Variants in TMEM135 observed in about 807,000 individuals in gnomAD.
TMEM135 encodes the protein transmembrane protein 135.
A neutral mutation model predicts 60.3 loss-of-function variants in TMEM135; 30 were observed. That is an observed-to-expected ratio of 0.50 (90% CI 0.37 to 0.68). The LOEUF is 0.68. TMEM135 is among the 30% of genes least tolerant of loss of function. The probability of loss-of-function intolerance (pLI) is 0.00; values close to 1 mark genes in which losing one functional copy is unlikely to be tolerated. For synonymous variants in TMEM135, 190 were observed against 186.7 expected (o/e 1.02, Z -0.14); for missense variants, 468 against 548.8 (o/e 0.85, Z 1.47).
At chr11:87,269,479 A>T in intron 6 of TMEM135, among the ~76,000 whole-genome samples, 1 of 151,742 alleles carries the variant, frequency 6.6e-6, no homozygotes, top group Non-Finnish European at 1.5e-5. Context: ...ATATCTCCTA[A>T]TGCTATCCCT....
chr11:87,318,059 C>A, intron 12 of TMEM135, 78 bp from the exon 13 acceptor site: 2 of 1,073,822 alleles, frequency 1.9e-6, no homozygotes, highest in Non-Finnish European at 2.9e-6. Flanking sequence ...AGGTTGTAGG[C>A]AGGGAGCACA....
intron 3 of TMEM135, among the ~76,000 whole-genome samples, chr11:87,081,848 A>C (rs55790509): frequency 0.14 from 21,253 of 152,198 alleles, 1,578 homozygotes; most frequent in Non-Finnish European, 0.16. Context: ...TAACGACTTA[A>C]TAAGAAATTT....
intron 1 of TMEM135, among the ~76,000 whole-genome samples, chr11:87,063,961 G>A (rs965605219): frequency 5.9e-5 from 9 of 152,084 alleles, no homozygotes; most frequent in Non-Finnish European, 1.3e-4. Context: ...TAAAATACCC[G>A]GGAATGGAAT....
intron 5 of TMEM135, among the ~76,000 whole-genome samples, chr11:87,217,179 A>T (rs1940519996): frequency 1.3e-5 from 2 of 152,226 alleles, no homozygotes; most frequent in Admixed American, 1.3e-4. Flanking sequence ...CTATAAATGC[A>T]TGTGTGATCC....
chr11:87,245,979 G>T (rs1490442877), intron 6 of TMEM135, among the ~76,000 whole-genome samples: 1 of 127,820 alleles, frequency 7.8e-6, no homozygotes, highest in South Asian at 2.7e-4. Flanking sequence ...TGATTTTGCA[G>T]CGGCTGGTAC....
At chr11:87,231,702 AT>A (rs1284703039) in intron 5 of TMEM135, among the ~76,000 whole-genome samples, 1 of 152,176 alleles carries the variant, frequency 6.6e-6, no homozygotes, top group African/African-American at 2.4e-5. Context: ...ACTTATAAAT[AT>A]GTTAAATTAG....
intron 5 of TMEM135, among the ~76,000 whole-genome samples, chr11:87,222,530 G>A (rs1002197996): frequency 3.3e-5 from 5 of 150,056 alleles, no homozygotes; most frequent in Non-Finnish European, 7.4e-5. Context: ...TGGGCCGAGC[G>A]TGGTGGCCCA....
At chr11:87,176,421 T>C (rs1939369765) in intron 5 of TMEM135, among the ~76,000 whole-genome samples, 1 of 152,138 alleles carries the variant, frequency 6.6e-6, no homozygotes, top group Non-Finnish European at 1.5e-5. Context: ...AATGAATCCC[T>C]TTTTAAAAAA....
chr11:87,135,638 T>A (rs1011988848), intron 4 of TMEM135, among the ~76,000 whole-genome samples: 1 of 152,058 alleles, frequency 6.6e-6, no homozygotes, highest in Non-Finnish European at 1.5e-5. Flanking sequence ...TCTTGATAAC[T>A]GTAGGTATAT....
rs1942897370 is a variant in TMEM135 at position 87,325,398 on chromosome 11, T to C, written c.*4065T>C. ...TGTGGTGAATAAGAATGTGTGCTAT[T>C]TTACACACAGAAGAAAATGATTGAC... On this transcript the variant is annotated 3_prime_UTR_variant, in exon 15 of 15. Coordinates refer to ENST00000305494, the MANE Select transcript of TMEM135 (RefSeq NM_022918.4). 2.2e-6 allele frequency: 1 copy of C among 453,954 alleles called. No homozygotes were observed. The highest frequency in any genetic ancestry group is 1.6e-5 in the South Asian group (1 of 64,476). The allele number at this position is 453,954 out of a possible 1,614,324, so 28.1% of individuals were successfully genotyped here.
chr11:87,099,927 C>T (rs925431461), intron 4 of TMEM135, among the ~76,000 whole-genome samples: 3 of 151,998 alleles, frequency 2.0e-5, no homozygotes, highest in African/African-American at 4.8e-5. Flanking sequence ...GTTATCTGCC[C>T]TCCTCGGCCT....
In TMEM135 at chr11:87,219,365, T is replaced by C. The variant is rs201507479; in HGVS notation, c.463-17273T>C. On this transcript the variant is annotated intron_variant, in intron 5 of 14. Coordinates refer to ENST00000305494, the MANE Select transcript of TMEM135 (RefSeq NM_022918.4). ...GTCTAAGATCAAGGTGCTGTCAGGGTTGGTTTCTGGTGAGACCTCTTTTTT... is the reference window on the plus strand; with the variant it reads ...GTCTAAGATCAAGGTGCTGTCAGGGCTGGTTTCTGGTGAGACCTCTTTTTT... Among the ~76,000 whole-genome samples, 19 of 152,296 alleles carry C rather than the reference T, an allele frequency of 1.2e-4. No individual in the cohort carries two copies. The East Asian group carries it at 3.3e-3, about 26-fold the overall frequency.
chr11:87,314,907 C>T (rs1428450661), intron 12 of TMEM135, among the ~76,000 whole-genome samples: 1 of 151,764 alleles, frequency 6.6e-6, no homozygotes, highest in African/African-American at 2.4e-5. Context: ...ATAAAGACTC[C>T]TTAAAGAATA....
chr11:87,171,338 G>GT (rs199500975), intron 5 of TMEM135, among the ~76,000 whole-genome samples: 108 of 115,822 alleles, frequency 9.3e-4, no homozygotes, highest in South Asian at 1.9e-3. Context: ...ACAGTGTAGT[G>GT]TTTTTTTTTT....
chr11:87,066,607 A>G (rs2135135150), intron 1 of TMEM135, among the ~76,000 whole-genome samples: 1 of 151,740 alleles, frequency 6.6e-6, no homozygotes, highest in East Asian at 1.9e-4. Context: ...CCAAAAAAAA[A>G]AAAAAAAAAA....
Position 87,199,574 on chromosome 11 carries a change from C to A in TMEM135, c.463-37064C>A, listed in dbSNP as rs567863429. 2.6e-5 allele frequency among the ~76,000 whole-genome samples: 4 copies of A among 152,258 alleles called. No individual in the cohort carries two copies. In the East Asian group the frequency reaches 7.7e-4, roughly 29 times the overall value. On this transcript the variant is annotated intron_variant, in intron 5 of 14. Transcript: ENST00000305494. Reference sequence around the variant, plus strand: ...GGATGAGGTAGATACATATAGATTTCTAGTTGAGGCATTTGAGGAAACTAG... The same window carrying A: ...GGATGAGGTAGATACATATAGATTTATAGTTGAGGCATTTGAGGAAACTAG...
intron 6 of TMEM135, among the ~76,000 whole-genome samples, chr11:87,272,138 C>T (rs552925687): frequency 2.7e-5 from 4 of 149,438 alleles, no homozygotes; most frequent in African/African-American, 7.4e-5. Flanking sequence ...ACTGCAACCT[C>T]CCCCTCCCTG....
At chr11:87,102,875 G>A (rs1383367716) in intron 4 of TMEM135, among the ~76,000 whole-genome samples, 2 of 151,790 alleles carry the variant, frequency 1.3e-5, no homozygotes, top group Non-Finnish European at 2.9e-5. Flanking sequence ...TGGTCACCCT[G>A]CTGTGCAATA....
At chr11:87,133,481 G>A (rs1937996015) in intron 4 of TMEM135, among the ~76,000 whole-genome samples, 1 of 152,066 alleles carries the variant, frequency 6.6e-6, no homozygotes, top group Non-Finnish European at 1.5e-5. Flanking sequence ...TGGAATCATA[G>A]ACCATGTCAA....
Sources: allele counts gnomAD v4.1 joint callset (sites outside exome capture counted in the v4.1 genomes callset), GRCh38; gene constraint gnomAD v4.1.1; transcripts MANE v1.5; gene names NCBI Gene and HGNC (gene_info 2026-07-23, HGNC 2026-07-21).